HNF4A: variants seen among roughly 807,000 people sequenced by gnomAD.
HNF4A encodes hepatocyte nuclear factor 4-alpha.
In HNF4A, 15 loss-of-function variants were observed where a neutral mutation model predicts 52.4. That is an observed-to-expected ratio of 0.29 (90% CI 0.19 to 0.44). HNF4A has a LOEUF of 0.44. Among genes scored for constraint, HNF4A ranks in the 20% least tolerant of loss-of-function variants. The pLI is 1.00. For synonymous variants in HNF4A, 280 were observed against 264.4 expected, an observed-to-expected ratio of 1.06 and a Z score of -0.57; for missense variants, 479 against 647.2, an observed-to-expected ratio of 0.74 and a Z score of 2.82.
intron 1 of HNF4A, among the ~76,000 whole-genome samples, chr20:44,395,928 C>A (rs964676041): frequency 6.6e-6 from 1 of 152,130 alleles, no homozygotes; most frequent in African/African-American, 2.4e-5. Context: ...TGCCAAGCAG[C>A]CCTGGGGTGG....
rs552802619 is a variant in HNF4A at position 44,423,039 on chromosome 20, G to A, written c.893-979G>A. On this transcript the variant is annotated intron_variant, in intron 7 of 9. Transcript: ENST00000316099. ...TGGTGAGTTTGAAAAGGCAAAGGCC[G>A]GGTGCAGTGGCTCACGCCTGTAATC... 1.5e-4 allele frequency among the ~76,000 whole-genome samples: 23 copies of A among 152,284 alleles called. No homozygotes were observed. The East Asian group carries it at 2.5e-3, about 17-fold the overall frequency.
At chr20:44,385,059 C>CTGTTTTTTTTTTTTTTT (rs2063203826) in intron 1 of HNF4A, among the ~76,000 whole-genome samples, 2 of 34,970 alleles carry the variant, frequency 5.7e-5, no homozygotes, top group Non-Finnish European at 9.1e-5. Flanking sequence ...ACTCTGTGAT[C>CTGTTTTTTTTTTTTTTT]TTTTTTTTTT....
At chr20:44,400,297 G>A (rs546013796), upstream of HNF4A, among the ~76,000 whole-genome samples, 10 of 152,236 alleles carry the variant, frequency 6.6e-5, no homozygotes, top group Admixed American at 5.2e-4. Flanking sequence ...GGAGACGGGT[G>A]GAGAGAAACA....
intron 4 of HNF4A, among the ~76,000 whole-genome samples, chr20:44,414,221 T>C (rs558421964): frequency 8.5e-5 from 13 of 152,326 alleles, no homozygotes; most frequent in African/African-American, 2.4e-4. Context: ...TGATGATTTT[T>C]TGCCCTGCTT....
intron 4 of HNF4A, 145 bp from the exon 5 acceptor site, chr20:44,414,362 C>A: frequency 8.6e-7 from 1 of 1,164,292 alleles, no homozygotes. Context: ...TCCGTTTTTA[C>A]CCTGAGCTTC....
chr20:44,375,464 G>A (rs1288419607), intron 1 of HNF4A, among the ~76,000 whole-genome samples: 1 of 150,890 alleles, frequency 6.6e-6, no homozygotes, highest in Non-Finnish European at 1.5e-5. Context: ...GGAGGATTTA[G>A]TCATAAATTT....
At chr20:44,368,375 C>G (rs2146194333) in intron 1 of HNF4A, among the ~76,000 whole-genome samples, 1 of 151,096 alleles carries the variant, frequency 6.6e-6, no homozygotes, top group South Asian at 2.1e-4. Flanking sequence ...CCATGTTGGC[C>G]AGGCTGGTGT....
At chr20:44,400,293 G>A (rs1055029673), upstream of HNF4A, among the ~76,000 whole-genome samples, 14 of 152,106 alleles carry the variant, frequency 9.2e-5, no homozygotes, top group Non-Finnish European at 1.5e-4. Flanking sequence ...GGTAGGAGAC[G>A]GGTGGAGAGA....
intron 1 of HNF4A, among the ~76,000 whole-genome samples, chr20:44,379,704 A>G (rs1298616189): frequency 6.7e-6 from 1 of 149,164 alleles, no homozygotes; most frequent in Non-Finnish European, 1.5e-5. Context: ...GGCATGTGCC[A>G]TCACACCCGG....
At chr20:44,390,898 A>G (rs1488938930) in intron 1 of HNF4A, among the ~76,000 whole-genome samples, 1 of 152,152 alleles carries the variant, frequency 6.6e-6, no homozygotes, top group Non-Finnish European at 1.5e-5. Context: ...CCCGTAGAGT[A>G]TTAGGGGTAG....
intron 5 of HNF4A, among the ~76,000 whole-genome samples, chr20:44,414,864 G>A (rs776816926): frequency 4.6e-5 from 7 of 152,340 alleles, no homozygotes; most frequent in East Asian, 1.9e-4. Flanking sequence ...TATGAGGTAG[G>A]TACTAAGGTA....
chr20:44,419,893 C>T lies in HNF4A; in HGVS notation c.892+17C>T, dbSNP rs6093981. On this transcript the variant is annotated intron_variant, in intron 7 of 9. Coordinates refer to ENST00000316099, the MANE Select transcript of HNF4A (RefSeq NM_000457.6). ...TTGACCCAGGTACAGTGCACACCTC[C>T]TAAGCCATCCCTGACTCTCTCTCCA... is the stretch of plus-strand genomic sequence containing the variant. 3.7e-6 allele frequency: 6 copies of T among 1,613,406 alleles called. No homozygotes were observed. Among genetic ancestry groups the T allele is most frequent in the Non-Finnish European group, 4.2e-6 (5 of 1,179,362 alleles).
At chr20:44,421,637 C>A (rs1234723140) in intron 7 of HNF4A, among the ~76,000 whole-genome samples, 1 of 151,676 alleles carries the variant, frequency 6.6e-6, no homozygotes, top group African/African-American at 2.4e-5. Context: ...GCCTGTAATC[C>A]CAGCTACTCA....
At chr20:44,398,060 T>C (rs2063369446), upstream of HNF4A, among the ~76,000 whole-genome samples, 1 of 152,228 alleles carries the variant, frequency 6.6e-6, no homozygotes, top group African/African-American at 2.4e-5. Context: ...TTTTTGTCTG[T>C]TATGTGTTAA....
intron 1 of HNF4A, among the ~76,000 whole-genome samples, chr20:44,379,934 A>T (rs2063133889): frequency 6.6e-6 from 1 of 152,264 alleles, no homozygotes; most frequent in East Asian, 1.9e-4. Flanking sequence ...GGGTTTCACC[A>T]TGCTGGCCAG....
chr20:44,428,875 G>T (rs1323431113), intron 9 of HNF4A, among the ~76,000 whole-genome samples: 1 of 152,190 alleles, frequency 6.6e-6, no homozygotes, highest in Admixed American at 6.5e-5. Flanking sequence ...TGTCTGCTGG[G>T]CTAGACCATC....
At chr20:44,392,496 T>C (rs1302478238) in intron 1 of HNF4A, among the ~76,000 whole-genome samples, 1 of 152,130 alleles carries the variant, frequency 6.6e-6, no homozygotes, top group African/African-American at 2.4e-5. Flanking sequence ...TGGGCATCTG[T>C]CTTTAATTTT....
At chr20:44,368,174 T>A (rs1314250222) in intron 1 of HNF4A, among the ~76,000 whole-genome samples, 26 of 101,918 alleles carry the variant, frequency 2.6e-4, no homozygotes, top group African/African-American at 9.4e-4. Context: ...TTTTTTTTTT[T>A]TTTTTTTTTT....
chr20:44,418,246 G>A (rs1264995039), intron 5 of HNF4A, among the ~76,000 whole-genome samples, 179 bp from the exon 6 acceptor site: 2 of 152,198 alleles, frequency 1.3e-5, no homozygotes, highest in Non-Finnish European at 2.9e-5. Flanking sequence ...CTGAGCACAT[G>A]TTCTTTCCCC....
Sources: gnomAD v4.1 joint callset for allele counts (sites outside exome capture counted in the v4.1 genomes callset) on GRCh38, gnomAD v4.1.1 for gene constraint, MANE v1.5 for transcripts, NCBI Gene and HGNC (gene_info 2026-07-23, HGNC 2026-07-21) for gene names.